The following AGBL4 variants were observed in gnomAD, a reference collection of about 807,000 sequenced individuals.
AGBL4 encodes the protein AGBL carboxypeptidase 4.
In AGBL4, 58 loss-of-function variants were observed where a neutral mutation model predicts 66.4. That is an observed-to-expected ratio of 0.87 (90% CI 0.71 to 1.09). AGBL4 has a LOEUF of 1.09. AGBL4 is among the 50% of genes least tolerant of loss of function. The pLI, the probability that AGBL4 is intolerant of heterozygous loss-of-function variation, is 0.00. For missense variants in AGBL4, 579 were observed against 631.0 expected (o/e 0.92, Z 0.88); for synonymous variants, 234 against 222.9 (o/e 1.05, Z -0.44).
intron 5 of AGBL4, among the ~76,000 whole-genome samples, chr1:48,968,492 T>C (rs1385919168): frequency 6.6e-6 from 1 of 152,178 alleles, no homozygotes. Context: ...CTGAAGATGA[T>C]TGGGGCTTAA....
At chr1:48,574,628 G>A (rs1329087527) in intron 11 of AGBL4, among the ~76,000 whole-genome samples, 1 of 150,264 alleles carries the variant, frequency 6.7e-6, no homozygotes, top group Admixed American at 6.7e-5. Context: ...TGGATTGAGA[G>A]CAGTGGTCCT....
intron 2 of AGBL4, among the ~76,000 whole-genome samples, chr1:49,738,890 C>A (rs921913736): frequency 6.6e-6 from 1 of 152,170 alleles, no homozygotes; most frequent in East Asian, 1.9e-4. Context: ...ACATCGATAC[C>A]AAAACCTCAT....
chr1:48,949,030 T>C (rs1266477638), intron 5 of AGBL4, among the ~76,000 whole-genome samples: 2 of 152,216 alleles, frequency 1.3e-5, no homozygotes, highest in African/African-American at 4.8e-5. Context: ...TCTGAAGACA[T>C]ACCAGAATTT....
chr1:48,900,932 A>T lies in AGBL4; in HGVS notation c.595-33702T>A, dbSNP rs546583672. On this transcript the variant is annotated intron_variant, in intron 5 of 13. Coordinates refer to ENST00000371839, the MANE Select transcript of AGBL4 (RefSeq NM_032785.4). The stretch of plus-strand genomic sequence containing the variant: ...AACTGTTAAGAGAATTAAAAGACAA[A>T]CCATAGATTAGGAGAAAATATTTGC... Among the ~76,000 whole-genome samples, 218 of 152,314 alleles carry T rather than the reference A, an allele frequency of 1.4e-3. 1 individual carries two copies. Among genetic ancestry groups the T allele is most frequent in the Middle Eastern group, 6.8e-3 (2 of 294 alleles).
intron 2 of AGBL4, among the ~76,000 whole-genome samples, chr1:49,728,626 A>G (rs1649202720): frequency 6.6e-6 from 1 of 152,168 alleles, no homozygotes; most frequent in African/African-American, 2.4e-5. Flanking sequence ...TTGGTGAGGT[A>G]AACAGGAATA....
intron 3 of AGBL4, among the ~76,000 whole-genome samples, chr1:49,318,869 A>C (rs1474329249): frequency 6.6e-6 from 1 of 152,092 alleles, no homozygotes; most frequent in African/African-American, 2.4e-5. Flanking sequence ...ACAGAAAATG[A>C]ATTTTTCCTT....
chr1:48,624,587 G>A (rs952364729), intron 9 of AGBL4, among the ~76,000 whole-genome samples: 7 of 152,324 alleles, frequency 4.6e-5, no homozygotes, highest in Non-Finnish European at 1.0e-4. Flanking sequence ...TAGAGAGACG[G>A]CATTTTGATC....
chr1:49,776,475 T>C lies in AGBL4; in HGVS notation c.157+74921A>G, dbSNP rs1487779720. On this transcript the variant is annotated intron_variant, in intron 2 of 13. Transcript: ENST00000371839. ...CTTTAACACTGTTCAGAGGCCCTTA[T>C]ATGATGAGAGTCCTAAATACCACTC... Among the ~76,000 whole-genome samples the C allele has an allele frequency of 2.6e-5, 4 of 152,140 alleles. No individual in the cohort carries two copies. In the South Asian group the frequency reaches 6.2e-4, roughly 24 times the overall value.
At chr1:49,112,326 A>G (rs1332769712) in intron 4 of AGBL4, among the ~76,000 whole-genome samples, 2 of 152,238 alleles carry the variant, frequency 1.3e-5, no homozygotes, top group Non-Finnish European at 2.9e-5. Flanking sequence ...TACAATGCTA[A>G]CAACCATCTG....
downstream of AGBL4, among the ~76,000 whole-genome samples, chr1:48,529,051 C>T (rs1218114725): frequency 1.3e-5 from 2 of 152,008 alleles, no homozygotes; most frequent in Non-Finnish European, 2.9e-5. Flanking sequence ...GGTGACCTCA[C>T]TCTCACCATA....
rs369904067 is a variant in AGBL4 at position 49,541,540 on chromosome 1, A to G, written c.282+155773T>C. Reference sequence around the variant, plus strand: ...TGCCGGCCTGCCGGTGCTGTGCTCGAATTCTCACTGGGCCTCAGCTGCCTC... The same window carrying G: ...TGCCGGCCTGCCGGTGCTGTGCTCGGATTCTCACTGGGCCTCAGCTGCCTC... On this transcript the variant is annotated intron_variant, in intron 3 of 13. Coordinates refer to ENST00000371839, the MANE Select transcript of AGBL4 (RefSeq NM_032785.4). 3.4e-4 allele frequency among the ~76,000 whole-genome samples: 52 copies of G among 152,280 alleles called. 1 individual carries two copies. The South Asian group carries it at 9.7e-3, about 28-fold the overall frequency.
In AGBL4 at chr1:49,561,907, A is replaced by G. The variant is rs547739193; in HGVS notation, c.282+135406T>C. 3.9e-5 allele frequency among the ~76,000 whole-genome samples: 6 copies of G among 152,168 alleles called. No individual in the cohort carries two copies. The East Asian group carries it at 1.2e-3, about 29-fold the overall frequency. ...CACTGACTTCCACAATGGTTGAACT[A>G]GTTTACAGTCCCACCAACAGTGTAA... is the stretch of plus-strand genomic sequence containing the variant. On this transcript the variant is annotated intron_variant, in intron 3 of 13. Transcript: ENST00000371839.
chr1:49,511,467 AG>A (rs1212258074), intron 3 of AGBL4, among the ~76,000 whole-genome samples: 3 of 56,262 alleles, frequency 5.3e-5, no homozygotes, highest in African/African-American at 7.4e-5. Context: ...GGGTGGGGGG[AG>A]GGGGGAGGGA....
chr1:48,536,945 G>A (rs1643981607), intron 12 of AGBL4, among the ~76,000 whole-genome samples: 1 of 152,204 alleles, frequency 6.6e-6, no homozygotes. Context: ...TATCTGAAGG[G>A]TGTCCCAGTA....
chr1:49,044,449 T>C (rs1015226331), intron 5 of AGBL4, among the ~76,000 whole-genome samples: 40 of 151,578 alleles, frequency 2.6e-4, no homozygotes, highest in African/African-American at 9.2e-4. Context: ...TGAGCCAAGA[T>C]CTTGCCACTG....
chr1:49,962,644 T>C (rs923996001), intron 1 of AGBL4, among the ~76,000 whole-genome samples: 1 of 152,184 alleles, frequency 6.6e-6, no homozygotes, highest in African/African-American at 2.4e-5. Context: ...ATATTTAGAA[T>C]ACAATAGTAA....
chr1:49,648,412 A>G (rs1178427975), intron 3 of AGBL4, among the ~76,000 whole-genome samples: 9 of 152,088 alleles, frequency 5.9e-5, no homozygotes, highest in Non-Finnish European at 1.2e-4. Context: ...TAAAGGGAAT[A>G]CTAGAAAAAA....
intron 5 of AGBL4, among the ~76,000 whole-genome samples, chr1:49,041,029 G>A (rs1047281657): frequency 6.6e-6 from 1 of 151,892 alleles, no homozygotes; most frequent in Admixed American, 6.6e-5. Flanking sequence ...TGTTCAAAGG[G>A]GTTTTGTTCA....
rs1349036586 is a variant in AGBL4, at chr1:48,537,760, A to G, written c.1364+1882T>C. On this transcript the variant is annotated intron_variant, in intron 12 of 13. Transcript: ENST00000371839. ...GAGGACCTGAAAGAGACAATCCCCAAATTAACTTGTAAATGAGATTCTAAG... is the reference window on the plus strand; with the variant it reads ...GAGGACCTGAAAGAGACAATCCCCAGATTAACTTGTAAATGAGATTCTAAG... 2.6e-5 allele frequency among the ~76,000 whole-genome samples: 4 copies of G among 152,222 alleles called. No individual in the cohort carries two copies. In the East Asian group the frequency reaches 7.7e-4, roughly 29 times the overall value.
Sources: allele counts gnomAD v4.1 joint callset (sites outside exome capture counted in the v4.1 genomes callset), GRCh38; gene constraint gnomAD v4.1.1; transcripts MANE v1.5; gene names NCBI Gene and HGNC (gene_info 2026-07-23, HGNC 2026-07-21).